NDEL1: variants seen among roughly 807,000 people sequenced by gnomAD.
NDEL1 encodes nuclear distribution protein nudE-like 1.
In NDEL1, 9 loss-of-function variants were observed where a neutral mutation model predicts 45.7. The observed-to-expected ratio is 0.20, with a 90% confidence interval of 0.12 to 0.34. The LOEUF is 0.34. NDEL1 is among the 10% of genes least tolerant of loss of function. NDEL1 has a pLI of 1.00. For synonymous variants in NDEL1, 133 were observed against 158.6 expected, an observed-to-expected ratio of 0.84 and a Z score of 1.21; for missense variants, 306 against 406.2, an observed-to-expected ratio of 0.75 and a Z score of 2.12.
At position 8,474,098 on chromosome 17, in the gene NDEL1, G is replaced by A. The variant is rs1027781549; in HGVS notation, c.417+13938G>A. 14 of 152,606 alleles carry A rather than the reference G, an allele frequency of 9.2e-5. 1 individual carries two copies. In the East Asian group the frequency reaches 1.5e-3, roughly 17 times the overall value. The allele number at this position is 152,606 out of a possible 1,614,324, so 9.5% of individuals were successfully genotyped here. A position where few individuals can be genotyped will look rare whatever the true frequency, so the allele number is the denominator to read the frequency against. ...TCTGTCGTCTGACCTGGGAGACAGC[G>A]CCCTCAGCAAAAAGGGCCTGGCGCC... is the stretch of plus-strand genomic sequence containing the variant. On this transcript the variant is annotated intron_variant, in intron 3 of 3. Transcript: ENST00000581679.
chr17:8,453,945 T>C (rs996161427), intron 6 of NDEL1, among the ~76,000 whole-genome samples: 1 of 152,188 alleles, frequency 6.6e-6, no homozygotes, highest in African/African-American at 2.4e-5. Context: ...ATTTAGTTTA[T>C]AGTTATAGTG....
At chr17:8,432,721 G>A (rs1909049403), upstream of NDEL1, among the ~76,000 whole-genome samples, 1 of 152,084 alleles carries the variant, frequency 6.6e-6, no homozygotes, top group Admixed American at 6.6e-5. Flanking sequence ...AAAGTCTTCA[G>A]AGGGAGCCAA....
At chr17:8,418,185 C>T (rs1406029826) in intron 1 of NDEL1, among the ~76,000 whole-genome samples, 1 of 152,162 alleles carries the variant, frequency 6.6e-6, no homozygotes, top group African/African-American at 2.4e-5. Context: ...ACTGTTGTTT[C>T]CTTTCCTATC....
intron 1 of NDEL1, among the ~76,000 whole-genome samples, chr17:8,441,745 T>C (rs1909749545): frequency 6.6e-6 from 1 of 152,146 alleles, no homozygotes; most frequent in African/African-American, 2.4e-5. Flanking sequence ...GTCTGAAGCA[T>C]TCTATGGGCC....
At chr17:8,455,502 A>C (rs1256863861) in intron 7 of NDEL1, among the ~76,000 whole-genome samples, 1 of 152,100 alleles carries the variant, frequency 6.6e-6, no homozygotes, top group African/African-American at 2.4e-5. Flanking sequence ...AGCCTGGCCA[A>C]CATGGTGAAA....
chr17:8,420,417 T>C (rs952749297), intron 1 of NDEL1, among the ~76,000 whole-genome samples: 6 of 152,218 alleles, frequency 3.9e-5, no homozygotes, highest in Non-Finnish European at 4.4e-5. Flanking sequence ...CTGACTGTTA[T>C]GTAAGAAGAG....
intron 6 of NDEL1, among the ~76,000 whole-genome samples, chr17:8,451,395 T>C (rs1378735889): frequency 6.6e-6 from 1 of 152,214 alleles, no homozygotes; most frequent in African/African-American, 2.4e-5. Context: ...TTGGGGATCA[T>C]ATTTAAACAC....
At chr17:8,421,096 A>G (rs1012501389) in intron 1 of NDEL1, among the ~76,000 whole-genome samples, 2 of 152,250 alleles carry the variant, frequency 1.3e-5, no homozygotes, top group Non-Finnish European at 2.9e-5. Context: ...CATCAATTCT[A>G]TAGTTTCATA....
At chr17:8,451,114 A>G (rs1910478702) in intron 6 of NDEL1, among the ~76,000 whole-genome samples, 161 bp downstream of exon 6, 1 of 152,238 alleles carries the variant, frequency 6.6e-6, no homozygotes, top group Non-Finnish European at 1.5e-5. Flanking sequence ...TTCCTAGGCC[A>G]CTAATATATA....
chr17:8,442,823 T>C (rs1909838292), intron 1 of NDEL1, among the ~76,000 whole-genome samples: 1 of 141,698 alleles, frequency 7.1e-6, no homozygotes, highest in African/African-American at 2.6e-5. Context: ...GGAGTCTCGC[T>C]CTGTCCCCCA....
At chr17:8,454,628 A>C (rs751287826) in intron 6 of NDEL1, among the ~76,000 whole-genome samples, 168 bp from the exon 7 acceptor site, 11 of 152,222 alleles carry the variant, frequency 7.2e-5, no homozygotes, top group Non-Finnish European at 1.2e-4. Context: ...GTAAATATCC[A>C]CCAATTGGAC....
chr17:8,447,858 C>A (rs1425446412), intron 4 of NDEL1, among the ~76,000 whole-genome samples: 2 of 152,084 alleles, frequency 1.3e-5, no homozygotes, highest in African/African-American at 4.8e-5. Flanking sequence ...CTAGTCTGGT[C>A]ACTACCCTTG....
At chr17:8,435,536 T>C (rs980445174), upstream of NDEL1, among the ~76,000 whole-genome samples, 2 of 152,260 alleles carry the variant, frequency 1.3e-5, no homozygotes, top group African/African-American at 4.8e-5. Context: ...AGGTGAACTA[T>C]GAGCCGAGAT....
At chr17:8,457,381 TA>T (rs2151733258) in intron 7 of NDEL1, among the ~76,000 whole-genome samples, 1 of 152,348 alleles carries the variant, frequency 6.6e-6, no homozygotes, top group Non-Finnish European at 1.5e-5. Context: ...TACTTTAATT[TA>T]TTCAGAAGTG....
At chr17:8,415,965 T>C (rs529319365) in intron 1 of NDEL1, among the ~76,000 whole-genome samples, 49 of 152,174 alleles carry the variant, frequency 3.2e-4, no homozygotes, top group Non-Finnish European at 5.7e-4. Flanking sequence ...GCCAGGCTGG[T>C]CTTGAACACC....
At chr17:8,461,399 A>T (rs1911195486) in intron 8 of NDEL1, 1 of 152,170 alleles carries the variant, frequency 6.6e-6, no homozygotes, top group African/African-American at 2.4e-5. Flanking sequence ...ATTCTTTCTT[A>T]AAAAATTTGT....
At chr17:8,472,647 A>C (rs937556917), downstream of NDEL1, among the ~76,000 whole-genome samples, 6 of 152,092 alleles carry the variant, frequency 3.9e-5, no homozygotes, top group African/African-American at 1.2e-4. Context: ...TGGGAGACAG[A>C]GCGCGACTCT....
chr17:8,454,750 TA>T, intron 6 of NDEL1, 45 bp from the exon 7 acceptor site: 1 of 1,465,240 alleles, frequency 6.8e-7, no homozygotes, highest in Non-Finnish European at 9.5e-7. Flanking sequence ...AACCCAAATG[TA>T]AAGGGAACTG....
intron 2 of NDEL1, chr17:8,445,002 C>T (rs1221808513): frequency 6.6e-6 from 1 of 152,176 alleles, no homozygotes; most frequent in Non-Finnish European, 1.5e-5. Flanking sequence ...ATTATTATCA[C>T]CGAAGTCAGT....
Sources: gnomAD v4.1 joint callset for allele counts (sites outside exome capture counted in the v4.1 genomes callset) on GRCh38, gnomAD v4.1.1 for gene constraint, MANE v1.5 for transcripts, NCBI Gene and HGNC (gene_info 2026-07-23, HGNC 2026-07-21) for gene names.